SPOP: variants seen among roughly 807,000 people sequenced by gnomAD.
The protein encoded by SPOP is speckle type BTB/POZ protein.
A neutral mutation model predicts 45.6 loss-of-function variants in SPOP; 11 were observed. The ratio of observed to expected loss-of-function variants is 0.24; its 90% CI spans 0.15 to 0.40. SPOP has a LOEUF of 0.40. SPOP is among the 10% of genes least tolerant of loss of function. SPOP has a pLI of 1.00. For synonymous variants in SPOP, 166 were observed against 166.3 expected (o/e 1.00, Z 0.01); for missense variants, 152 against 465.6 (o/e 0.33, Z 6.20).
chr17:49,601,764 A>T, intron 9 of SPOP, 101 bp downstream of exon 9: 2 of 1,444,742 alleles, frequency 1.4e-6, no homozygotes, highest in Non-Finnish European at 1.9e-6. Flanking sequence ...CCAAAAGGTT[A>T]ATGAAGCTAC....
At chr17:49,662,408 G>A (rs543948290) in intron 1 of SPOP, among the ~76,000 whole-genome samples, 12 of 152,224 alleles carry the variant, frequency 7.9e-5, no homozygotes, top group African/African-American at 2.9e-4. Context: ...CAGGCCAGGC[G>A]CGGTGGCTCA....
rs1157213963 is a variant in SPOP at position 49,599,471 on chromosome 17, CT to C, written c.*906del. On this transcript the variant is annotated 3_prime_UTR_variant, in exon 10 of 10. Coordinates refer to ENST00000504102, the MANE Select transcript of SPOP (RefSeq NM_001007228.2). ...CAGCATTTTTAATTGATAAAATTTC[CT>C]TCTCTCTTCTTTTGTTCTGTTTTTG... 4.5e-6 allele frequency: 1 copy of C among 221,922 alleles called. No homozygotes were observed. The highest frequency in any genetic ancestry group is 2.3e-5 in the African/African-American group (1 of 44,240). 13.7% of individuals were successfully genotyped at this position (221,922 alleles called of 1,614,324 possible).
intron 1 of SPOP, among the ~76,000 whole-genome samples, chr17:49,650,241 C>A (rs781591514): frequency 6.6e-6 from 1 of 152,018 alleles, no homozygotes; most frequent in African/African-American, 2.4e-5. Context: ...CATAGTGGGA[C>A]CGGGGAGATG....
At chr17:49,653,961 A>C (rs1373229540) in intron 1 of SPOP, among the ~76,000 whole-genome samples, 1 of 152,060 alleles carries the variant, frequency 6.6e-6, no homozygotes, top group Admixed American at 6.6e-5. Flanking sequence ...ATTCAAGGAG[A>C]GTAGGTGAGC....
chr17:49,659,241 C>A (rs1325788154), intron 1 of SPOP, among the ~76,000 whole-genome samples: 1 of 152,142 alleles, frequency 6.6e-6, no homozygotes, highest in African/African-American at 2.4e-5. Context: ...GTACGAAAAT[C>A]TATTTCTTGA....
At chr17:49,660,731 G>A (rs565098105) in intron 1 of SPOP, among the ~76,000 whole-genome samples, 3 of 152,268 alleles carry the variant, frequency 2.0e-5, no homozygotes, top group Admixed American at 1.3e-4. Context: ...TTGGGAGGCC[G>A]AGACAGGCGG....
chr17:49,640,135 C>G (rs967988654), intron 1 of SPOP, among the ~76,000 whole-genome samples: 2 of 151,802 alleles, frequency 1.3e-5, no homozygotes, highest in Non-Finnish European at 1.5e-5. Flanking sequence ...CACCTGTAAT[C>G]CCAGCTACTT....
chr17:49,600,005 CT>C lies in SPOP; in HGVS notation c.*372del, dbSNP rs5820770. 37,579 of 209,206 alleles carry C rather than the reference CT, an allele frequency of 0.18. 2,262 individuals are homozygous for C. The highest frequency in any genetic ancestry group is 0.23 in the Non-Finnish European group (24,765 of 106,842). 13.0% of individuals were successfully genotyped at this position (209,206 alleles called of 1,614,324 possible). ...CTTCTGTTAAAACTCAATGTCCTTTCTTTTTTTTTTTTCCTTTTTGCTCCAG... is the reference window on the plus strand; with the variant it reads ...CTTCTGTTAAAACTCAATGTCCTTTCTTTTTTTTTTTCCTTTTTGCTCCAG... On this transcript the variant is annotated 3_prime_UTR_variant, in exon 10 of 10. Transcript: ENST00000504102. The surrounding 1 kb of genome is among the most constrained non-coding windows in gnomAD (Gnocchi z 4.2).
intron 8 of SPOP, among the ~76,000 whole-genome samples, chr17:49,604,512 C>A (rs896828374): frequency 5.9e-5 from 9 of 152,206 alleles, no homozygotes; most frequent in African/African-American, 2.2e-4. Context: ...GAGACTATCC[C>A]ATGAGCAAAC....
At chr17:49,641,891 T>C (rs2072659519) in intron 1 of SPOP, among the ~76,000 whole-genome samples, 2 of 151,788 alleles carry the variant, frequency 1.3e-5, no homozygotes, top group South Asian at 2.1e-4. Flanking sequence ...GGTGTGGTAG[T>C]TGGCACCTGT....
At chr17:49,631,143 T>C (rs530574270) in intron 1 of SPOP, among the ~76,000 whole-genome samples, 1 of 152,348 alleles carries the variant, frequency 6.6e-6, no homozygotes, top group Non-Finnish European at 1.5e-5. Context: ...GTATCCCTAC[T>C]GATATGTTTT....
chr17:49,629,393 TTTG>T, intron 1 of SPOP, among the ~76,000 whole-genome samples: 1 of 152,224 alleles, frequency 6.6e-6, no homozygotes, highest in South Asian at 2.1e-4. Context: ...GAATAATTAA[TTTG>T]TTATTTCAGA....
intron 8 of SPOP, 137 bp from the exon 9 acceptor site, chr17:49,602,144 C>G (rs1443550615): frequency 3.3e-6 from 3 of 919,824 alleles, no homozygotes; most frequent in Non-Finnish European, 4.7e-6. Context: ...AAAGCTACTA[C>G]TGCAATGATA....
intron 1 of SPOP, among the ~76,000 whole-genome samples, chr17:49,649,693 G>T (rs1055088867): frequency 6.6e-6 from 1 of 151,520 alleles, no homozygotes; most frequent in Non-Finnish European, 1.5e-5. Flanking sequence ...GCCGGGCATG[G>T]TGGCAGGCGC....
intron 8 of SPOP, among the ~76,000 whole-genome samples, chr17:49,606,035 G>C (rs1016764848): frequency 1.3e-5 from 2 of 151,174 alleles, no homozygotes; most frequent in Admixed American, 1.3e-4. Flanking sequence ...GTATTTCCCT[G>C]TATCTTTATG....
chr17:49,637,843 G>A (rs1003685460), intron 1 of SPOP, among the ~76,000 whole-genome samples: 2 of 152,210 alleles, frequency 1.3e-5, no homozygotes, highest in African/African-American at 4.8e-5. Flanking sequence ...ACCAAAGCAA[G>A]ATGCATTTAA....
intron 8 of SPOP, among the ~76,000 whole-genome samples, chr17:49,606,477 TTTTCTTG>T (rs200188400): frequency 0.021 from 3,097 of 148,412 alleles, 122 homozygotes; most frequent in African/African-American, 0.074. Context: ...CCAGCCTGTT[TTTTCTTG>T]TTTCTTTTTT....
chr17:49,643,269 G>T (rs1048849036), intron 1 of SPOP, among the ~76,000 whole-genome samples: 2 of 152,160 alleles, frequency 1.3e-5, no homozygotes, highest in Non-Finnish European at 2.9e-5. Flanking sequence ...GATTCCAAGT[G>T]CTCAAAGCTC....
chr17:49,607,984 T>C, intron 6 of SPOP, 55 bp from the exon 7 acceptor site: 2 of 1,552,872 alleles, frequency 1.3e-6, no homozygotes, highest in Non-Finnish European at 1.8e-6. Flanking sequence ...AATCTCTTGG[T>C]TGTTGCCAGT....
Sources: allele counts gnomAD v4.1 joint callset (sites outside exome capture counted in the v4.1 genomes callset), GRCh38; gene constraint gnomAD v4.1.1; non-coding constraint Gnocchi (gnomAD v3.1); transcripts MANE v1.5; gene names NCBI Gene and HGNC (gene_info 2026-07-23, HGNC 2026-07-21).